Variants in SLC24A3 observed in about 807,000 individuals in gnomAD.
SLC24A3 encodes sodium/potassium/calcium exchanger 3.
SLC24A3 carries 28 observed loss-of-function variants against 75.8 expected under a neutral mutation model. The observed-to-expected ratio is 0.37, with a 90% CI of 0.27 to 0.51. The LOEUF is 0.51. Among genes scored for constraint, SLC24A3 ranks in the 20% least tolerant of loss-of-function variants. The probability of loss-of-function intolerance (pLI) is 0.94; values close to 1 mark genes in which losing one functional copy is unlikely to be tolerated. For missense variants in SLC24A3, 663 were observed against 847.8 expected (o/e 0.78, Z 2.71); for synonymous variants, 372 against 334.1 (o/e 1.11, Z -1.24).
chr20:19,461,440 T>C (rs1320883083), intron 2 of SLC24A3, among the ~76,000 whole-genome samples: 2 of 151,950 alleles, frequency 1.3e-5, no homozygotes, highest in Admixed American at 6.6e-5. Flanking sequence ...TGTTCACACA[T>C]ATTATGTATA....
intron 2 of SLC24A3, among the ~76,000 whole-genome samples, chr20:19,446,264 G>A (rs181376778): frequency 1.2e-3 from 178 of 152,328 alleles, no homozygotes; most frequent in Non-Finnish European, 2.3e-3. Flanking sequence ...AAGCACGAGA[G>A]GTTGAAAGCA....
intron 2 of SLC24A3, among the ~76,000 whole-genome samples, chr20:19,321,245 A>G (rs1984700494): frequency 6.6e-6 from 1 of 152,244 alleles, no homozygotes; most frequent in Non-Finnish European, 1.5e-5. Flanking sequence ...CAGTGTCATT[A>G]TCACACTCAA....
chr20:19,293,917 G>A (rs1984000330), intron 2 of SLC24A3, among the ~76,000 whole-genome samples: 1 of 150,136 alleles, frequency 6.7e-6, no homozygotes, highest in Non-Finnish European at 1.5e-5. Context: ...ATTGGTTCTA[G>A]GACACCCCCC....
At chr20:19,519,522 C>T (rs1306442411) in intron 3 of SLC24A3, among the ~76,000 whole-genome samples, 3 of 152,202 alleles carry the variant, frequency 2.0e-5, no homozygotes, top group South Asian at 4.1e-4. Context: ...TTCCTTCTGG[C>T]TGTTTGTCAT....
At chr20:19,690,463 AG>A (rs1488946133) in intron 12 of SLC24A3, among the ~76,000 whole-genome samples, 1 of 152,104 alleles carries the variant, frequency 6.6e-6, no homozygotes, top group African/African-American at 2.4e-5. Context: ...AGAATGTGAA[AG>A]AGCCAAGTTG....
intron 1 of SLC24A3, among the ~76,000 whole-genome samples, chr20:19,226,009 G>A (rs1981858502): frequency 2.6e-5 from 4 of 152,102 alleles, no homozygotes; most frequent in Admixed American, 2.6e-4. Flanking sequence ...GATATTAGGG[G>A]GAAAACGTTT....
intron 2 of SLC24A3, among the ~76,000 whole-genome samples, chr20:19,333,402 G>T (rs1985045431): frequency 6.6e-6 from 1 of 152,168 alleles, no homozygotes; most frequent in African/African-American, 2.4e-5. Context: ...AGCTTCAGTG[G>T]CCCCAGCAGA....
intron 8 of SLC24A3, 149 bp downstream of exon 8, chr20:19,666,038 C>A: frequency 1.2e-6 from 1 of 840,476 alleles, no homozygotes. Context: ...CTGCACACCT[C>A]AGGGGAGAAA....
intron 2 of SLC24A3, among the ~76,000 whole-genome samples, chr20:19,472,856 G>A (rs1408934219): frequency 6.6e-6 from 1 of 152,178 alleles, no homozygotes; most frequent in Non-Finnish European, 1.5e-5. Context: ...CGGACTTCCT[G>A]GGCCCCTAGC....
chr20:19,271,122 C>T (rs892249053), intron 1 of SLC24A3, among the ~76,000 whole-genome samples: 10 of 152,074 alleles, frequency 6.6e-5, no homozygotes, highest in African/African-American at 2.2e-4. Context: ...ACCACATTTA[C>T]GTTATTTAGT....
intron 2 of SLC24A3, among the ~76,000 whole-genome samples, chr20:19,451,181 G>A (rs766340653): frequency 6.6e-6 from 1 of 152,138 alleles, no homozygotes; most frequent in Non-Finnish European, 1.5e-5. Flanking sequence ...AAAGATCAAA[G>A]GTAAAAGAAA....
At chr20:19,611,918 G>A (rs751918533) in intron 6 of SLC24A3, among the ~76,000 whole-genome samples, 26 of 152,108 alleles carry the variant, frequency 1.7e-4, no homozygotes, top group Non-Finnish European at 2.9e-4. Flanking sequence ...CAGCCTCCAG[G>A]CTCCCCGTTG....
At chr20:19,286,695 T>G (rs1983827059) in intron 2 of SLC24A3, among the ~76,000 whole-genome samples, 1 of 152,192 alleles carries the variant, frequency 6.6e-6, no homozygotes, top group Admixed American at 6.5e-5. Flanking sequence ...CACTGTCCAG[T>G]AGGAACAAGA....
intron 1 of SLC24A3, among the ~76,000 whole-genome samples, chr20:19,254,830 T>A (rs1982765224): frequency 6.6e-6 from 1 of 152,298 alleles, no homozygotes; most frequent in Admixed American, 6.5e-5. Context: ...GGAACCTGCA[T>A]CCTAGAGCCA....
intron 2 of SLC24A3, among the ~76,000 whole-genome samples, chr20:19,296,469 T>A (rs1438562725): frequency 6.6e-6 from 1 of 152,080 alleles, no homozygotes; most frequent in Non-Finnish European, 1.5e-5. Flanking sequence ...CTTTCTAGCT[T>A]TTCGATATGG....
chr20:19,615,474 G>A (rs149860330), intron 6 of SLC24A3, among the ~76,000 whole-genome samples: 2 of 152,258 alleles, frequency 1.3e-5, no homozygotes, highest in East Asian at 1.9e-4. Flanking sequence ...CAATGGTGAC[G>A]GAAGGTGAAG....
chr20:19,508,767 C>A (rs769890877), intron 2 of SLC24A3, among the ~76,000 whole-genome samples: 1 of 152,182 alleles, frequency 6.6e-6, no homozygotes, highest in Non-Finnish European at 1.5e-5. Flanking sequence ...ACTTTGAGGA[C>A]CTTGAAGGTA....
intron 6 of SLC24A3, among the ~76,000 whole-genome samples, chr20:19,627,223 G>A (rs577980451): frequency 5.6e-4 from 85 of 152,304 alleles, no homozygotes; most frequent in African/African-American, 2.0e-3. Context: ...GCATGTATCT[G>A]TCTGTGTTGT....
At chr20:19,286,620 C>T (rs986940985) in intron 2 of SLC24A3, among the ~76,000 whole-genome samples, 2 of 152,178 alleles carry the variant, frequency 1.3e-5, no homozygotes, top group East Asian at 3.8e-4. Context: ...ACCCAACACC[C>T]GTGCAGTGCT....
Sources: gnomAD v4.1 joint callset for allele counts (sites outside exome capture counted in the v4.1 genomes callset) on GRCh38, gnomAD v4.1.1 for gene constraint, MANE v1.5 for transcripts, NCBI Gene and HGNC (gene_info 2026-07-23, HGNC 2026-07-21) for gene names.